GNE: variants seen among roughly 807,000 people sequenced by gnomAD.
The protein encoded by GNE is glucosamine (UDP-N-acetyl)-2-epimerase/N-acetylmannosamine kinase.
GNE carries 41 observed loss-of-function variants against 61.8 expected under a neutral mutation model. The ratio of observed to expected loss-of-function variants is 0.66; its 90% CI spans 0.52 to 0.86. The LOEUF (loss-of-function observed/expected upper bound fraction) is 0.86. Ranked by LOEUF, GNE falls within the 40% of genes least tolerant of loss-of-function variation. The pLI, the probability that GNE is intolerant of heterozygous loss-of-function variation, is 0.00. For synonymous variants in GNE, 264 were observed against 326.4 expected (o/e 0.81, Z 2.06); for missense variants, 608 against 909.1 (o/e 0.67, Z 4.26).
rs1448756083 is a variant in GNE, at chr9:36,215,692, A to G, written c.*1673T>C. 1.2e-4 allele frequency: 18 copies of G among 152,472 alleles called. No individual in the cohort carries two copies. The highest frequency in any genetic ancestry group is 1.1e-3 in the Admixed American group (17 of 15,298). The allele number at this position is 152,472 out of a possible 1,614,324, so 9.4% of individuals were successfully genotyped here. A position where few individuals can be genotyped will look rare whatever the true frequency, so the allele number is the denominator to read the frequency against. On this transcript the variant is annotated 3_prime_UTR_variant, in exon 12 of 12. Transcript: ENST00000642385. Reference sequence around the variant, plus strand: ...GCACCTAGTTCAGAGCCTGGCACACAGTAGGCACTTAATAAGTGGTGGCAG... The same window carrying G: ...GCACCTAGTTCAGAGCCTGGCACACGGTAGGCACTTAATAAGTGGTGGCAG...
At position 36,246,170 on chromosome 9, in the gene GNE, G is replaced by A; in HGVS notation, c.477C>T (p.Cys159=). Reference sequence around the variant, plus strand: ...GGTGCTGCTCTGCACTGCGGGTGCAGCACACATGATAATGAGCCAGTTTTG... The same window carrying A: ...GGTGCTGCTCTGCACTGCGGGTGCAACACACATGATAATGAGCCAGTTTTG... ...AITKLAHYHV[C]CTRSAEQHLI... Residue 159 remains cysteine (C), a synonymous_variant, in exon 3 of 12, where the codon TGC becomes TGT. Transcript: ENST00000642385. 1 of 1,614,192 alleles carries A rather than the reference G, an allele frequency of 6.2e-7. No homozygotes were observed. Among genetic ancestry groups the A allele is most frequent in the Non-Finnish European group, 8.5e-7 (1 of 1,179,996 alleles).
chr9:36,226,923 A>T (rs1003434470), intron 7 of GNE, among the ~76,000 whole-genome samples: 7 of 152,204 alleles, frequency 4.6e-5, no homozygotes, highest in African/African-American at 1.7e-4. Flanking sequence ...CAGTGATAGT[A>T]ATCAGCATAC....
chr9:36,232,073 T>A (rs923997562), intron 5 of GNE, among the ~76,000 whole-genome samples: 1 of 152,188 alleles, frequency 6.6e-6, no homozygotes, highest in Non-Finnish European at 1.5e-5. Context: ...CTGCTCTTTC[T>A]CCAATTCTTC....
chr9:36,265,186 A>T (rs1355834683), intron 1 of GNE: 2 of 328,636 alleles, frequency 6.1e-6, no homozygotes, highest in Non-Finnish European at 1.2e-5. Context: ...CCTAATTGAG[A>T]TGAACACTAG....
rs199965140 is a variant in GNE at position 36,249,381 on chromosome 9, T to A, written c.-26A>T. The A allele has an allele frequency of 6.2e-7, 1 of 1,609,492 alleles. No homozygotes were observed. On this transcript the variant is annotated 5_prime_UTR_variant, in exon 2 of 12. Coordinates refer to ENST00000642385, the MANE Select transcript of GNE (RefSeq NM_005476.7). The stretch of plus-strand genomic sequence containing the variant: ...GATTTGCTTGTTTCGTTTTGAGAGG[T>A]TCTTAAAATAGAGTTCCTGAAATTG...
upstream of GNE, among the ~76,000 whole-genome samples, chr9:36,260,003 T>G (rs933701327): frequency 6.6e-5 from 10 of 151,946 alleles, no homozygotes; most frequent in African/African-American, 2.4e-4. Context: ...CTGTGGAGAA[T>G]GGATTGGTAG....
At chr9:36,225,776 T>A (rs564238894) in intron 7 of GNE, among the ~76,000 whole-genome samples, 21 of 151,938 alleles carry the variant, frequency 1.4e-4, no homozygotes, top group African/African-American at 5.1e-4. Flanking sequence ...ACCTTGTCTC[T>A]AAAAAAAAAT....
chr9:36,232,177 T>A (rs1199985832), intron 5 of GNE, among the ~76,000 whole-genome samples: 1 of 152,134 alleles, frequency 6.6e-6, no homozygotes, highest in East Asian at 1.9e-4. Context: ...CCTTGTTGAT[T>A]CCTTTCACCT....
intron 7 of GNE, 114 bp from the exon 8 acceptor site, chr9:36,223,616 CT>C: frequency 1.9e-6 from 2 of 1,072,916 alleles, no homozygotes; most frequent in South Asian, 1.3e-5. Context: ...GCCCCGCAGT[CT>C]TAGATGACTG....
Position 36,217,409 on chromosome 9 carries a change from C to T in GNE, c.2125G>A (p.Ala709Thr). ...GTGTAGTCCAGAACCATGCTGGCAG[C>T]ACCCAGCAGGGCGGGGTCAACCAAA... ...SDLVDPALLG[A>T]ASMVLDYTTR... The change falls in exon 12 of 12, where the codon GCT becomes ACT. Residue 709 changes from alanine to threonine, a missense_variant. Transcript: ENST00000642385. The T allele has an allele frequency of 1.9e-6, 3 of 1,613,908 alleles. No homozygotes were observed. Among genetic ancestry groups the T allele is most frequent in the Non-Finnish European group, 2.5e-6 (3 of 1,179,796 alleles).
chr9:36,263,251 A>T (rs532984820), upstream of GNE: 120 of 176,768 alleles, frequency 6.8e-4, no homozygotes, highest in African/African-American at 2.8e-3. Flanking sequence ...GCTCACTGCA[A>T]CCTCTGCCTC....
chr9:36,266,566 G>T (rs1021591021), intron 1 of GNE, among the ~76,000 whole-genome samples: 1 of 152,092 alleles, frequency 6.6e-6, no homozygotes, highest in Admixed American at 6.6e-5. Flanking sequence ...CTGAGGTCAG[G>T]ACTTTGAGAC....
chr9:36,235,777 T>C (rs1829364918), intron 4 of GNE, among the ~76,000 whole-genome samples: 1 of 152,156 alleles, frequency 6.6e-6, no homozygotes, highest in Admixed American at 6.6e-5. Context: ...AAGACAGGGG[T>C]TCTTTCAGAG....
At chr9:36,249,899 A>G (rs898391102) in intron 1 of GNE, among the ~76,000 whole-genome samples, 6 of 151,980 alleles carry the variant, frequency 3.9e-5, no homozygotes, top group African/African-American at 1.4e-4. Flanking sequence ...AAAAAAAAGA[A>G]GAAGAAACTC....
upstream of GNE, among the ~76,000 whole-genome samples, chr9:36,261,616 G>T (rs1331757782): frequency 6.7e-6 from 1 of 150,184 alleles, no homozygotes; most frequent in African/African-American, 2.4e-5. Flanking sequence ...ACCACAAGAG[G>T]TATTGAAAGT....
chr9:36,238,734 A>G (rs1022857124), intron 3 of GNE, among the ~76,000 whole-genome samples: 2 of 152,082 alleles, frequency 1.3e-5, no homozygotes, highest in Non-Finnish European at 2.9e-5. Context: ...AAAGCTCTTT[A>G]GTTTAATTAG....
chr9:36,223,952 A>G (rs570288052), intron 7 of GNE, among the ~76,000 whole-genome samples: 1 of 151,790 alleles, frequency 6.6e-6, no homozygotes, highest in African/African-American at 2.4e-5. Context: ...GGGTTTCACC[A>G]TGCTGCCCAG....
rs772723683 is a variant in GNE at position 36,223,471 on chromosome 9, T to C, written c.1313A>G (p.Asn438Ser). 1.2e-6 allele frequency: 2 copies of C among 1,610,818 alleles called. No homozygotes were observed. Among genetic ancestry groups the C allele is most frequent in the East Asian group, 2.2e-5 (1 of 44,874 alleles). The change falls in exon 8 of 12, where the codon AAT becomes AGT. Residue 438 changes from asparagine (N) to serine (S), a missense_variant. Coordinates refer to ENST00000642385, the MANE Select transcript of GNE (RefSeq NM_005476.7). The part of the protein sequence containing the change: ...GEIVKKYTQF[N>S]PKTYEERINL... ...AATCCTCTCTTCATAGGTTTTAGGA[T>C]TGAACTGAGTATACTTCTTAACTAT... is the stretch of plus-strand genomic sequence containing the variant.
chr9:36,251,533 C>T (rs1830106601), intron 1 of GNE, among the ~76,000 whole-genome samples: 3 of 152,128 alleles, frequency 2.0e-5, no homozygotes, highest in Admixed American at 2.0e-4. Flanking sequence ...AAGCAACCCC[C>T]CCACCTCAGC....
Sources: allele counts gnomAD v4.1 joint callset (sites outside exome capture counted in the v4.1 genomes callset), GRCh38; gene constraint gnomAD v4.1.1; transcripts MANE v1.5; gene names NCBI Gene and HGNC (gene_info 2026-07-23, HGNC 2026-07-21).